NELL1: variants seen among roughly 807,000 people sequenced by gnomAD.
NELL1 encodes protein kinase C-binding protein NELL1.
NELL1 carries 76 observed loss-of-function variants against 107.4 expected under a neutral mutation model. That is an observed-to-expected ratio of 0.71 (90% CI 0.59 to 0.86). The LOEUF is 0.86. Ranked by LOEUF, NELL1 falls within the 40% of genes least tolerant of loss-of-function variation. The pLI is 0.00. For missense variants in NELL1, 1,024 were observed against 1,005.5 expected, an observed-to-expected ratio of 1.02 and a Z score of -0.25; for synonymous variants, 353 against 341.2, an observed-to-expected ratio of 1.03 and a Z score of -0.38.
chr11:21,183,229 C>A (rs1856865543), intron 13 of NELL1, among the ~76,000 whole-genome samples: 1 of 151,910 alleles, frequency 6.6e-6, no homozygotes, highest in African/African-American at 2.4e-5. Context: ...ATCTGTCTCT[C>A]CCAACAAATT....
intron 14 of NELL1, among the ~76,000 whole-genome samples, chr11:21,299,596 T>G (rs1314100546): frequency 3.3e-5 from 5 of 150,636 alleles, no homozygotes; most frequent in Admixed American, 1.3e-4. Flanking sequence ...ATTGGTAGAT[T>G]GGTCACCTGT....
intron 5 of NELL1, among the ~76,000 whole-genome samples, chr11:20,917,038 C>A (rs1398341024): frequency 6.6e-6 from 1 of 151,986 alleles, no homozygotes; most frequent in Admixed American, 6.6e-5. Flanking sequence ...GATAGCCTCT[C>A]AAAGAGTTAA....
At chr11:21,378,717 A>ATTT (rs11306401) in intron 15 of NELL1, among the ~76,000 whole-genome samples, 1 of 136,686 alleles carries the variant, frequency 7.3e-6, no homozygotes, top group African/African-American at 2.7e-5. Context: ...ACACTTGTAC[A>ATTT]TTTTTTTTTT....
intron 14 of NELL1, among the ~76,000 whole-genome samples, chr11:21,280,484 C>T (rs1565145659): frequency 6.6e-6 from 1 of 152,266 alleles, no homozygotes; most frequent in Non-Finnish European, 1.5e-5. Flanking sequence ...CATCACTCAG[C>T]AGGAGCCATG....
chr11:21,306,682 A>G (rs1849612069), intron 14 of NELL1, among the ~76,000 whole-genome samples: 1 of 152,004 alleles, frequency 6.6e-6, no homozygotes, highest in Non-Finnish European at 1.5e-5. Context: ...TCATTCCCTC[A>G]TTTATCATAG....
In NELL1 at chr11:21,238,486, A is replaced by C. The variant is rs187101572; in HGVS notation, c.1549+9032A>C. Among the ~76,000 whole-genome samples, 278 of 152,212 alleles carry C rather than the reference A, an allele frequency of 1.8e-3. 1 individual carries two copies. The highest frequency in any genetic ancestry group is 6.3e-3 in the African/African-American group (260 of 41,556). Reference sequence around the variant, plus strand: ...AGGACTGATGCTGAAATCACTGAGAAGGATGACCAGAGAAGAGACACTTTA... The same window carrying C: ...AGGACTGATGCTGAAATCACTGAGACGGATGACCAGAGAAGAGACACTTTA... On this transcript the variant is annotated intron_variant, in intron 14 of 19. Transcript: ENST00000357134.
chr11:21,345,313 T>G (rs1196810829), intron 14 of NELL1, among the ~76,000 whole-genome samples: 8 of 152,216 alleles, frequency 5.3e-5, no homozygotes, highest in Non-Finnish European at 2.9e-5. Context: ...TTTAATGAGT[T>G]GCTCAATGTC....
At chr11:21,155,369 G>T (rs2133792101) in intron 13 of NELL1, among the ~76,000 whole-genome samples, 1 of 152,178 alleles carries the variant, frequency 6.6e-6, no homozygotes, top group African/African-American at 2.4e-5. Flanking sequence ...ATGTATATTT[G>T]GATGTTGTGA....
intron 14 of NELL1, among the ~76,000 whole-genome samples, chr11:21,299,463 A>G (rs951854916): frequency 6.6e-6 from 1 of 150,704 alleles, no homozygotes; most frequent in African/African-American, 2.4e-5. Flanking sequence ...CTGATTAGAT[A>G]TTGCCTGTGT....
Position 20,731,832 on chromosome 11 carries a change from C to T in NELL1, c.185-51848C>T, listed in dbSNP as rs555047441. Among the ~76,000 whole-genome samples, 7 of 152,184 alleles carry T rather than the reference C, an allele frequency of 4.6e-5. No individual in the cohort carries two copies. In the South Asian group the frequency reaches 8.3e-4, roughly 18 times the overall value. ...AGTATTGAGTAAATGGCAGCTGTTG[C>T]CATTTGTAGTGGGAGCAGGTGTGCG... On this transcript the variant is annotated intron_variant, in intron 2 of 19. Transcript: ENST00000357134.
chr11:20,774,631 G>T (rs1590281860), intron 2 of NELL1, among the ~76,000 whole-genome samples: 2 of 152,242 alleles, frequency 1.3e-5, no homozygotes, highest in African/African-American at 4.8e-5. Flanking sequence ...AATAGAAGGT[G>T]TGTCTTAGTT....
chr11:21,518,109 T>C (rs1344783667), intron 15 of NELL1, among the ~76,000 whole-genome samples: 2 of 148,278 alleles, frequency 1.3e-5, no homozygotes, highest in East Asian at 2.1e-4. Context: ...TTGAATTTTC[T>C]CATCTTAATT....
chr11:20,901,995 A>G (rs1399844244), intron 5 of NELL1, among the ~76,000 whole-genome samples: 3 of 152,156 alleles, frequency 2.0e-5, no homozygotes, highest in Admixed American at 2.0e-4. Flanking sequence ...CCTGGACCCC[A>G]TACATAAAAA....
intron 18 of NELL1, 81 bp from the exon 19 acceptor site, chr11:21,573,104 C>T (rs976992265): frequency 1.1e-5 from 11 of 1,034,400 alleles, no homozygotes; most frequent in Non-Finnish European, 3.0e-6. Context: ...AATTACTGTG[C>T]TCTCTTTCCC....
intron 14 of NELL1, among the ~76,000 whole-genome samples, chr11:21,230,985 A>G (rs1858034051): frequency 6.6e-6 from 1 of 152,182 alleles, no homozygotes. Flanking sequence ...TGAAAACTGG[A>G]AACAACCAAA....
chr11:21,477,135 G>A (rs1854357144), intron 15 of NELL1, among the ~76,000 whole-genome samples: 1 of 152,106 alleles, frequency 6.6e-6, no homozygotes, highest in African/African-American at 2.4e-5. Flanking sequence ...GGCCAAGGGA[G>A]TGCTTGCACC....
chr11:21,455,638 T>G (rs372332642), intron 15 of NELL1, among the ~76,000 whole-genome samples: 1 of 152,146 alleles, frequency 6.6e-6, no homozygotes, highest in Non-Finnish European at 1.5e-5. Context: ...CAGCAAACTT[T>G]TTGAGATTAT....
intron 12 of NELL1, among the ~76,000 whole-genome samples, chr11:21,087,951 A>G (rs529988141): frequency 1.1e-4 from 16 of 152,198 alleles, no homozygotes; most frequent in African/African-American, 3.6e-4. Context: ...AAAACTGCTA[A>G]TCCCTGTCAT....
At position 20,928,480 on chromosome 11, in the gene NELL1, G is replaced by T; in HGVS notation, c.997+1G>T. The T allele has an allele frequency of 6.2e-7, 1 of 1,611,338 alleles. No individual in the cohort carries two copies. The highest frequency in any genetic ancestry group is 8.5e-7 in the Non-Finnish European group (1 of 1,177,564). On this transcript the variant is annotated splice_donor_variant, in intron 9 of 19. Transcript: ENST00000357134. LOFTEE classifies it high-confidence loss of function. ...GGCCAGTGCTGTAAGGTCTGCCGAC[G>T]TAAGTACTGACTGAGGGTCAGACTG...
Sources: allele counts gnomAD v4.1 joint callset (sites outside exome capture counted in the v4.1 genomes callset), GRCh38; gene constraint gnomAD v4.1.1; transcripts MANE v1.5; gene names NCBI Gene and HGNC (gene_info 2026-07-23, HGNC 2026-07-21).